Variants in PDGFD observed in about 807,000 individuals in gnomAD.
PDGFD encodes platelet-derived growth factor D.
Under a neutral mutation model 44.7 loss-of-function variants are expected in PDGFD, and 30 were observed. That is an observed-to-expected ratio of 0.67 (90% CI 0.50 to 0.91). The LOEUF (loss-of-function observed/expected upper bound fraction) is 0.91, where lower values mean the gene tolerates loss of function less well. Ranked by LOEUF, PDGFD falls within the 40% of genes least tolerant of loss-of-function variation. The pLI is 0.00. For synonymous variants in PDGFD, 173 were observed against 168.4 expected (o/e 1.03, Z -0.21); for missense variants, 445 against 457.8 (o/e 0.97, Z 0.25).
intron 1 of PDGFD, among the ~76,000 whole-genome samples, chr11:104,119,696 A>AT (rs1251031438): frequency 1.3e-5 from 1 of 77,972 alleles, no homozygotes; most frequent in South Asian, 3.8e-4. Flanking sequence ...TATAATATAT[A>AT]ATATCTATTA....
At chr11:104,144,779 G>C (rs572952665) in intron 1 of PDGFD, among the ~76,000 whole-genome samples, 4 of 152,152 alleles carry the variant, frequency 2.6e-5, no homozygotes, top group South Asian at 2.1e-4. Context: ...GTGATCCACT[G>C]TATGACTTCA....
At chr11:103,922,231 C>G (rs947810084) in intron 6 of PDGFD, among the ~76,000 whole-genome samples, 1 of 152,144 alleles carries the variant, frequency 6.6e-6, no homozygotes, top group Non-Finnish European at 1.5e-5. Context: ...TATACACTAT[C>G]AAGAGAAGAG....
At position 104,003,616 on chromosome 11, in the gene PDGFD, G is replaced by GAT. The variant is rs916252458; in HGVS notation, c.125-3363_125-3362dup. ...AGCCTGGGCTCAGTGTGGTATTATT[G>GAT]ATACTCAAGGATGCTGCCAGGGGAA... On this transcript the variant is annotated intron_variant, in intron 1 of 6. Coordinates refer to ENST00000393158, the MANE Select transcript of PDGFD (RefSeq NM_025208.5). Among the ~76,000 whole-genome samples the GAT allele has an allele frequency of 3.3e-5, 5 of 152,348 alleles. No individual in the cohort carries two copies. In the South Asian group the frequency reaches 8.3e-4, roughly 25 times the overall value.
chr11:104,097,740 C>T (rs569235903), intron 1 of PDGFD, among the ~76,000 whole-genome samples: 2 of 152,278 alleles, frequency 1.3e-5, no homozygotes, highest in East Asian at 3.9e-4. Flanking sequence ...TGTTATCCTC[C>T]TTTTACATAT....
intron 2 of PDGFD, 80 bp downstream of exon 2, chr11:103,999,971 T>G: frequency 8.0e-7 from 1 of 1,254,330 alleles, no homozygotes; most frequent in Non-Finnish European, 1.1e-6. Flanking sequence ...TCAAAAGGAA[T>G]GTTTGATACG....
intron 3 of PDGFD, among the ~76,000 whole-genome samples, chr11:103,990,762 G>A (rs1380690263): frequency 1.3e-5 from 2 of 152,238 alleles, no homozygotes; most frequent in East Asian, 3.9e-4. Context: ...ATATAGTCCT[G>A]GCTGAAGTGC....
intron 1 of PDGFD, among the ~76,000 whole-genome samples, chr11:104,117,617 C>T (rs1249332687): frequency 6.6e-6 from 1 of 151,918 alleles, no homozygotes; most frequent in African/African-American, 2.4e-5. Flanking sequence ...AAATCAAGAA[C>T]TCAACCCCTT....
intron 1 of PDGFD, among the ~76,000 whole-genome samples, chr11:104,145,089 GTGTTAT>G (rs1392620090): frequency 6.6e-6 from 1 of 152,184 alleles, no homozygotes; most frequent in African/African-American, 2.4e-5. Context: ...ATAATAAGTG[GTGTTAT>G]TGTTATTGTT....
At chr11:104,022,188 A>ATCTAC (rs1385465948) in intron 1 of PDGFD, among the ~76,000 whole-genome samples, 1 of 152,184 alleles carries the variant, frequency 6.6e-6, no homozygotes, top group African/African-American at 2.4e-5. Context: ...ATATATTGGG[A>ATCTAC]TCTACTCTTC....
At chr11:103,924,541 A>AG (rs1260684914) in intron 6 of PDGFD, among the ~76,000 whole-genome samples, 1 of 152,170 alleles carries the variant, frequency 6.6e-6, no homozygotes, top group Non-Finnish European at 1.5e-5. Context: ...TGTTCCATGT[A>AG]GGGCTAAAAT....
chr11:104,095,023 C>T (rs1861263562), intron 1 of PDGFD, among the ~76,000 whole-genome samples: 1 of 152,050 alleles, frequency 6.6e-6, no homozygotes, highest in African/African-American at 2.4e-5. Flanking sequence ...TCTTTTCTGC[C>T]TAAACTTTTT....
At position 104,090,702 on chromosome 11, in the gene PDGFD, A is replaced by T. The variant is rs184332676; in HGVS notation, c.124+73102T>A. 2.4e-3 allele frequency among the ~76,000 whole-genome samples: 360 copies of T among 152,002 alleles called. 1 individual carries two copies. The highest frequency in any genetic ancestry group is 4.1e-3 in the Admixed American group (62 of 15,248). ...TGCCATTATTTGAAAAGAAACAGGCAATAATTTTTGAAAATATAATTTTTA... is the reference window on the plus strand; with the variant it reads ...TGCCATTATTTGAAAAGAAACAGGCTATAATTTTTGAAAATATAATTTTTA... On this transcript the variant is annotated intron_variant, in intron 1 of 6. Transcript: ENST00000393158.
intron 1 of PDGFD, among the ~76,000 whole-genome samples, chr11:104,154,710 G>T (rs1862283366): frequency 6.6e-6 from 1 of 152,176 alleles, no homozygotes; most frequent in Non-Finnish European, 1.5e-5. Flanking sequence ...ATGGAATTAG[G>T]TTAAAGGAAT....
chr11:104,160,172 TA>T (rs1213168429), intron 1 of PDGFD, among the ~76,000 whole-genome samples: 2 of 152,204 alleles, frequency 1.3e-5, no homozygotes, highest in Non-Finnish European at 2.9e-5. Flanking sequence ...TTCACTACTT[TA>T]AAATCTAAGG....
chr11:103,986,687 C>A (rs1476981599), intron 3 of PDGFD, among the ~76,000 whole-genome samples: 1 of 152,130 alleles, frequency 6.6e-6, no homozygotes, highest in Non-Finnish European at 1.5e-5. Flanking sequence ...TTTAGTTTAA[C>A]TAGGAAACAA....
intron 1 of PDGFD, among the ~76,000 whole-genome samples, chr11:104,123,562 A>T (rs1861805743): frequency 6.6e-6 from 1 of 152,066 alleles, no homozygotes; most frequent in African/African-American, 2.4e-5. Context: ...AAACATAGTA[A>T]ACGATGAGTC....
At position 104,151,745 on chromosome 11, in the gene PDGFD, A is replaced by G. The variant is rs192015578; in HGVS notation, c.124+12059T>C. ...AGTAAGACTTCTGGTCCTAAAATTA[A>G]AAGTTGCTTTTCTGCTCAAGTTTTA... On this transcript the variant is annotated intron_variant, in intron 1 of 6. Transcript: ENST00000393158. Among the ~76,000 whole-genome samples, 401 of 152,276 alleles carry G rather than the reference A, an allele frequency of 2.6e-3. 3 individuals carry two copies. The highest frequency in any genetic ancestry group is 9.2e-3 in the African/African-American group (384 of 41,556).
chr11:103,921,604 T>TAA (rs58116027), intron 6 of PDGFD, among the ~76,000 whole-genome samples: 1 of 140,428 alleles, frequency 7.1e-6, no homozygotes, highest in East Asian at 2.0e-4. Context: ...CACTGAAAAG[T>TAA]AAAAAAAAAA....
intron 5 of PDGFD, among the ~76,000 whole-genome samples, chr11:103,938,539 G>A (rs924499609): frequency 3.3e-5 from 5 of 152,096 alleles, no homozygotes; most frequent in East Asian, 1.9e-4. Flanking sequence ...CTTTTGCTGT[G>A]CAGAAGCTCT....
Sources: allele counts gnomAD v4.1 joint callset (sites outside exome capture counted in the v4.1 genomes callset), GRCh38; gene constraint gnomAD v4.1.1; transcripts MANE v1.5; gene names NCBI Gene and HGNC (gene_info 2026-07-23, HGNC 2026-07-21).